Variants in IRGM observed in about 807,000 individuals in gnomAD.
The protein encoded by IRGM is immunity-related GTPase family M protein.
For missense variants in IRGM, 288 were observed against 219.9 expected (o/e 1.31, Z -1.96); for synonymous variants, 98 against 80.6 (o/e 1.22, Z -1.16).
chr5:150,859,082 T>A (rs1387029992), intron 1 of IRGM, among the ~76,000 whole-genome samples: 1 of 152,242 alleles, frequency 6.6e-6, no homozygotes, highest in Non-Finnish European at 1.5e-5. Flanking sequence ...GTAGCTGTTA[T>A]TATTTTGAGA....
intron 3 of IRGM, among the ~76,000 whole-genome samples, chr5:150,881,995 A>T (rs1353162664): frequency 6.6e-6 from 1 of 152,086 alleles, no homozygotes; most frequent in Non-Finnish European, 1.5e-5. Context: ...CTGCCTGAGA[A>T]ACATAATGAA....
rs928078178 is a variant in IRGM, at chr5:150,846,557, C to T, written c.-1079C>T. The T allele has an allele frequency of 2.0e-5, 3 of 151,712 alleles. No individual in the cohort carries two copies. Among genetic ancestry groups the T allele is most frequent in the African/African-American group, 7.3e-5 (3 of 41,234 alleles). 9.4% of individuals were successfully genotyped at this position (151,712 alleles called of 1,614,324 possible). A position where few individuals can be genotyped will look rare whatever the true frequency, so the allele number is the denominator to read the frequency against. On this transcript the variant is annotated 5_prime_UTR_variant, in exon 1 of 2. Transcript: ENST00000522154. Reference sequence around the variant, plus strand: ...CAGGTCCCCTTCCATGCTGTGGAAGCTTTGTTTTTTTGCACTTTGCAGTAA... The same window carrying T: ...CAGGTCCCCTTCCATGCTGTGGAAGTTTTGTTTTTTTGCACTTTGCAGTAA...
intron 1 of IRGM, among the ~76,000 whole-genome samples, chr5:150,876,274 G>C (rs1754361475): frequency 6.6e-6 from 1 of 152,154 alleles, no homozygotes; most frequent in African/African-American, 2.4e-5. Context: ...GGATTCACAG[G>C]TCCAGAAATC....
chr5:150,867,296 A>G (rs7709721), intron 1 of IRGM, among the ~76,000 whole-genome samples: 31,182 of 152,086 alleles, frequency 0.21, 5,096 homozygotes, highest in African/African-American at 0.44. Flanking sequence ...CTCCAACTCC[A>G]TCCAGGTTGT....
intron 1 of IRGM, among the ~76,000 whole-genome samples, chr5:150,854,476 A>G (rs1561741000): frequency 2.0e-5 from 3 of 152,088 alleles, no homozygotes; most frequent in Admixed American, 1.3e-4. Context: ...CTGTCTTAAC[A>G]CTGATTATAG....
intron 1 of IRGM, among the ~76,000 whole-genome samples, chr5:150,857,234 A>G (rs1754071264): frequency 6.6e-6 from 1 of 152,116 alleles, no homozygotes; most frequent in Non-Finnish European, 1.5e-5. Flanking sequence ...TTCCAGTTTC[A>G]TCCATGTCCC....
At position 150,859,409 on chromosome 5, in the gene IRGM, C is replaced by A. The variant is rs895373671; in HGVS notation, c.158+10755C>A. On this transcript the variant is annotated intron_variant and NMD_transcript_variant, in intron 1 of 3. Coordinates refer to the IRGM transcript ENST00000520549. ...TTCTCTTTTTTGGCTGTGTCTCTGC[C>A]AGGCTTTGGTATCAGGATGATGCTG... Among the ~76,000 whole-genome samples the A allele has an allele frequency of 9.2e-4, 140 of 152,240 alleles. 1 individual carries two copies. The highest frequency in any genetic ancestry group is 3.2e-3 in the African/African-American group (134 of 41,516).
At chr5:150,849,605 CTTTTT>C (rs922246775), downstream of IRGM, among the ~76,000 whole-genome samples, 2 of 128,384 alleles carry the variant, frequency 1.6e-5, no homozygotes, top group African/African-American at 5.7e-5. Flanking sequence ...CTTTTTCTCT[CTTTTT>C]TTTTTTTTTT....
At chr5:150,894,709 G>A (rs1201533219) in intron 3 of IRGM, 1 of 152,316 alleles carries the variant, frequency 6.6e-6, no homozygotes, top group Non-Finnish European at 1.5e-5. Context: ...GCTAGGAGAA[G>A]TATGTTTGCC....
intron 3 of IRGM, chr5:150,895,586 A>G (rs746948110): frequency 2.9e-5 from 47 of 1,613,436 alleles, no homozygotes; most frequent in Non-Finnish European, 3.7e-5. Flanking sequence ...CACATTCAGC[A>G]CATATGTAAG....
Position 150,848,296 on chromosome 5 carries a change from A to G in IRGM, c.173A>G (p.His58Arg), listed in dbSNP as rs564391527. 272 of 1,551,836 alleles carry G rather than the reference A, an allele frequency of 1.8e-4. 2 individuals carry two copies. In the South Asian group the frequency reaches 3.0e-3, roughly 17 times the overall value. The change falls in exon 2 of 2, where the codon CAT becomes CGT. Residue 58 changes from histidine to arginine, a missense_variant. Physicochemically the swap from His to Arg is conservative, Grantham distance 29. Coordinates refer to ENST00000522154, the MANE Select transcript of IRGM (RefSeq NM_001145805.2). ...ATCAGTGCCCTTCGAAACACAGGAC[A>G]TGAGGGTAAGGCCTCACCTCCTACT... ...TFISALRNTG[H>R]EGKASPPTEL...
intron 3 of IRGM, among the ~76,000 whole-genome samples, chr5:150,882,701 G>A (rs1222078508): frequency 1.3e-5 from 2 of 152,102 alleles, no homozygotes; most frequent in Non-Finnish European, 2.9e-5. Context: ...ACCAACATCT[G>A]AGCACTTAGA....
At chr5:150,887,658 G>GAAAAAAAAA (rs75460329) in intron 3 of IRGM, among the ~76,000 whole-genome samples, 1 of 88,532 alleles carries the variant, frequency 1.1e-5, no homozygotes. Flanking sequence ...AGGTCAAAAT[G>GAAAAAAAAA]AAAAAAAAAA....
chr5:150,881,987 G>C (rs1204946833), intron 3 of IRGM, among the ~76,000 whole-genome samples: 3 of 152,096 alleles, frequency 2.0e-5, no homozygotes, highest in Non-Finnish European at 4.4e-5. Context: ...GTTATTGACT[G>C]CCTGAGAAAC....
chr5:150,873,215 C>T (rs1047290562), intron 1 of IRGM, among the ~76,000 whole-genome samples: 1 of 152,136 alleles, frequency 6.6e-6, no homozygotes, highest in Non-Finnish European at 1.5e-5. Flanking sequence ...GATAGGAAGC[C>T]CACTGCATTC....
At chr5:150,882,683 C>T (rs1046894889) in intron 3 of IRGM, among the ~76,000 whole-genome samples, 1 of 152,168 alleles carries the variant, frequency 6.6e-6, no homozygotes, top group Non-Finnish European at 1.5e-5. Flanking sequence ...ATTGTGAATA[C>T]ATACGCAACC....
intron 3 of IRGM, among the ~76,000 whole-genome samples, chr5:150,881,575 A>G (rs78260325): frequency 0.038 from 5,842 of 152,300 alleles, 179 homozygotes; most frequent in East Asian, 0.16. Context: ...ATAGAATTCA[A>G]AATGCCCTAA....
intron 1 of IRGM, among the ~76,000 whole-genome samples, chr5:150,863,880 C>T (rs1754170012): frequency 6.6e-6 from 1 of 152,168 alleles, no homozygotes; most frequent in Non-Finnish European, 1.5e-5. Flanking sequence ...TTGAAAGGGT[C>T]TTCCTGTTTA....
intron 1 of IRGM, among the ~76,000 whole-genome samples, chr5:150,860,852 C>G (rs187940220): frequency 3.2e-4 from 48 of 152,302 alleles, no homozygotes; most frequent in African/African-American, 1.2e-3. Context: ...CTCTCTGTAT[C>G]TCCTGTGAAC....
Sources: allele counts gnomAD v4.1 joint callset (sites outside exome capture counted in the v4.1 genomes callset), GRCh38; gene constraint gnomAD v4.1.1; transcripts MANE v1.5; gene names NCBI Gene and HGNC (gene_info 2026-07-23, HGNC 2026-07-21).